Variants in HS3ST5 observed in about 807,000 individuals in gnomAD.
The protein encoded by HS3ST5 is heparan sulfate glucosamine 3-O-sulfotransferase 5.
A neutral mutation model predicts 25.4 loss-of-function variants in HS3ST5; 10 were observed. The observed-to-expected ratio is 0.39, with a 90% confidence interval of 0.24 to 0.67. The LOEUF is 0.67. Among genes scored for constraint, HS3ST5 ranks in the 30% least tolerant of loss-of-function variants. The pLI is 0.44. For missense variants in HS3ST5, 324 were observed against 420.7 expected, an observed-to-expected ratio of 0.77 and a Z score of 2.01; for synonymous variants, 170 against 162.4, an observed-to-expected ratio of 1.05 and a Z score of -0.36.
chr6:114,206,095 A>G (rs1212947937), intron 2 of HS3ST5, among the ~76,000 whole-genome samples: 1 of 152,186 alleles, frequency 6.6e-6, no homozygotes, highest in Non-Finnish European at 1.5e-5. Context: ...TCATCTAATT[A>G]ACAGACGAAA....
chr6:114,247,496 T>C (rs1772436477), intron 1 of HS3ST5, among the ~76,000 whole-genome samples: 1 of 152,138 alleles, frequency 6.6e-6, no homozygotes, highest in Admixed American at 6.5e-5. Context: ...ACAAGAGTGA[T>C]TGGCAGAAAT....
At chr6:114,168,519 T>C (rs1406617783) in intron 2 of HS3ST5, 57 bp from the exon 3 acceptor site, 1 of 152,226 alleles carries the variant, frequency 6.6e-6, no homozygotes, top group East Asian at 1.9e-4. Flanking sequence ...TGTTTGTTTG[T>C]TTTTGCTGCT....
At chr6:114,063,640 A>G (rs1773271657) in intron 3 of HS3ST5, among the ~76,000 whole-genome samples, 2 of 152,212 alleles carry the variant, frequency 1.3e-5, no homozygotes, top group South Asian at 4.1e-4. Flanking sequence ...TGAGCATAGC[A>G]ATGACATATT....
At chr6:114,289,965 T>G (rs1774499371) in intron 1 of HS3ST5, among the ~76,000 whole-genome samples, 1 of 152,164 alleles carries the variant, frequency 6.6e-6, no homozygotes, top group Non-Finnish European at 1.5e-5. Context: ...AGATTTCTTT[T>G]ATAATAATGA....
At chr6:114,267,213 A>G (rs1479550386) in intron 1 of HS3ST5, among the ~76,000 whole-genome samples, 2 of 152,234 alleles carry the variant, frequency 1.3e-5, no homozygotes, top group East Asian at 3.8e-4. Context: ...TCTATGTGAT[A>G]AAATTATTTT....
intron 3 of HS3ST5, among the ~76,000 whole-genome samples, chr6:114,145,768 GC>G (rs1778132342): frequency 2.0e-5 from 3 of 152,256 alleles, no homozygotes; most frequent in Non-Finnish European, 4.4e-5. Flanking sequence ...GGAAGCAGGG[GC>G]CTTCCTCACT....
chr6:114,291,266 A>G (rs1165458799), intron 1 of HS3ST5, among the ~76,000 whole-genome samples: 2 of 152,146 alleles, frequency 1.3e-5, no homozygotes, highest in Non-Finnish European at 2.9e-5. Flanking sequence ...AACTATGTGC[A>G]TTTCATGCAA....
intron 3 of HS3ST5, among the ~76,000 whole-genome samples, chr6:114,147,388 T>C (rs925249705): frequency 6.6e-6 from 1 of 152,138 alleles, no homozygotes; most frequent in Non-Finnish European, 1.5e-5. Flanking sequence ...TTAAGAGGGT[T>C]GTTTGCCCTT....
intron 1 of HS3ST5, among the ~76,000 whole-genome samples, chr6:114,246,517 G>T (rs1772386278): frequency 6.6e-6 from 1 of 152,126 alleles, no homozygotes; most frequent in Non-Finnish European, 1.5e-5. Context: ...TCTTGTACTC[G>T]GTTCAGCTTT....
intron 1 of HS3ST5, among the ~76,000 whole-genome samples, chr6:114,260,869 A>G (rs1773139901): frequency 6.6e-6 from 1 of 152,154 alleles, no homozygotes; most frequent in South Asian, 2.1e-4. Context: ...GAAGCTGGAG[A>G]GGAGTGCAAC....
At chr6:114,289,734 C>T (rs1344109171) in intron 1 of HS3ST5, among the ~76,000 whole-genome samples, 1 of 152,136 alleles carries the variant, frequency 6.6e-6, no homozygotes, top group Non-Finnish European at 1.5e-5. Flanking sequence ...AATGTGAGCT[C>T]TACAAGTACA....
chr6:114,090,143 G>A (rs954426416), intron 3 of HS3ST5, among the ~76,000 whole-genome samples: 13 of 152,160 alleles, frequency 8.5e-5, no homozygotes, highest in African/African-American at 2.2e-4. Context: ...AATGCAGTCC[G>A]TGCTTTTAAA....
chr6:114,179,973 G>T (rs1295545826), intron 2 of HS3ST5, among the ~76,000 whole-genome samples: 1 of 151,376 alleles, frequency 6.6e-6, no homozygotes, highest in Non-Finnish European at 1.5e-5. Flanking sequence ...AAAGATGAAG[G>T]CCAGAAGACT....
chr6:114,272,140 A>AC (rs1226944537), intron 1 of HS3ST5, among the ~76,000 whole-genome samples: 1 of 152,110 alleles, frequency 6.6e-6, no homozygotes, highest in Non-Finnish European at 1.5e-5. Flanking sequence ...CCTAAGAGTC[A>AC]CCTTCTATTA....
intron 3 of HS3ST5, among the ~76,000 whole-genome samples, chr6:114,135,694 T>C (rs541320573): frequency 6.6e-6 from 1 of 152,364 alleles, no homozygotes; most frequent in African/African-American, 2.4e-5. Context: ...ATTAATTTCT[T>C]CTTCCCGTGA....
intron 1 of HS3ST5, among the ~76,000 whole-genome samples, chr6:114,249,869 C>CTATT (rs1484208117): frequency 2.6e-5 from 4 of 152,126 alleles, no homozygotes; most frequent in African/African-American, 9.7e-5. Context: ...CTCATGGAGT[C>CTATT]TATTTCCAAG....
intron 2 of HS3ST5, among the ~76,000 whole-genome samples, chr6:114,209,538 A>C (rs1781425252): frequency 6.6e-6 from 1 of 152,174 alleles, no homozygotes; most frequent in Non-Finnish European, 1.5e-5. Context: ...TGTTAGAATA[A>C]ATGATTTGGT....
intron 3 of HS3ST5, among the ~76,000 whole-genome samples, chr6:114,075,227 G>A (rs1277209101): frequency 6.6e-6 from 1 of 152,198 alleles, no homozygotes; most frequent in Non-Finnish European, 1.5e-5. Flanking sequence ...GAGTTCAGGC[G>A]CATTCAGGGT....
At chr6:114,250,254 T>C (rs2114623352) in intron 1 of HS3ST5, among the ~76,000 whole-genome samples, 1 of 152,306 alleles carries the variant, frequency 6.6e-6, no homozygotes, top group African/African-American at 2.4e-5. Flanking sequence ...AAAATTTATA[T>C]TTTCATTGAC....
Sources: gnomAD v4.1 joint callset for allele counts (sites outside exome capture counted in the v4.1 genomes callset) on GRCh38, gnomAD v4.1.1 for gene constraint, MANE v1.5 for transcripts, NCBI Gene and HGNC (gene_info 2026-07-23, HGNC 2026-07-21) for gene names.